AGBL4: variants seen among roughly 807,000 people sequenced by gnomAD.
The protein encoded by AGBL4 is cytosolic carboxypeptidase 6.
A neutral mutation model predicts 66.4 loss-of-function variants in AGBL4; 58 were observed. That is an observed-to-expected ratio of 0.87 (90% CI 0.71 to 1.09). The LOEUF (loss-of-function observed/expected upper bound fraction) is 1.09. Among genes scored for constraint, AGBL4 ranks in the 50% least tolerant of loss-of-function variants. AGBL4 has a pLI of 0.00. For missense variants in AGBL4, 579 were observed against 631.0 expected, an observed-to-expected ratio of 0.92 and a Z score of 0.88; for synonymous variants, 234 against 222.9, an observed-to-expected ratio of 1.05 and a Z score of -0.44.
At chr1:48,529,234 G>A (rs143648434), downstream of AGBL4, among the ~76,000 whole-genome samples, 1 of 151,922 alleles carries the variant, frequency 6.6e-6, no homozygotes, top group Non-Finnish European at 1.5e-5. Flanking sequence ...TACTCAAGAA[G>A]CATTTGTACT....
At chr1:49,936,498 T>C (rs1036540865) in intron 1 of AGBL4, among the ~76,000 whole-genome samples, 2 of 152,042 alleles carry the variant, frequency 1.3e-5, no homozygotes, top group African/African-American at 4.8e-5. Context: ...GCCACAAAGA[T>C]ACTCCTCGAG....
chr1:49,686,706 T>G (rs998564485), intron 3 of AGBL4, among the ~76,000 whole-genome samples: 3 of 152,142 alleles, frequency 2.0e-5, no homozygotes, highest in African/African-American at 4.8e-5. Context: ...GCACACACAA[T>G]AAGTATTTAT....
At chr1:49,549,272 T>C (rs1018111144) in intron 3 of AGBL4, among the ~76,000 whole-genome samples, 7 of 151,906 alleles carry the variant, frequency 4.6e-5, no homozygotes, top group Non-Finnish European at 8.8e-5. Flanking sequence ...TTTTTTTCAA[T>C]TTCATTTAGT....
chr1:49,625,885 A>T (rs796721384), intron 3 of AGBL4, among the ~76,000 whole-genome samples: 1 of 152,282 alleles, frequency 6.6e-6, no homozygotes, highest in African/African-American at 2.4e-5. Flanking sequence ...AGAGGTATTT[A>T]TAAGAAACAG....
chr1:49,464,995 A>G (rs1031768443), intron 3 of AGBL4, among the ~76,000 whole-genome samples: 9 of 151,680 alleles, frequency 5.9e-5, no homozygotes, highest in African/African-American at 2.2e-4. Flanking sequence ...AAACAAATGA[A>G]TGAATAACAA....
At chr1:49,501,384 G>A (rs192698095) in intron 3 of AGBL4, among the ~76,000 whole-genome samples, 64 of 152,208 alleles carry the variant, frequency 4.2e-4, no homozygotes, top group Admixed American at 1.6e-3. Flanking sequence ...TCCACACGCT[G>A]TTCTGTCCAT....
intron 5 of AGBL4, among the ~76,000 whole-genome samples, chr1:48,984,632 C>G (rs1033809604): frequency 2.0e-5 from 3 of 150,632 alleles, no homozygotes; most frequent in Admixed American, 1.3e-4. Context: ...ACTGTTTAAC[C>G]TAATATTTTC....
chr1:49,289,124 A>C (rs939359449), intron 3 of AGBL4, among the ~76,000 whole-genome samples: 1 of 152,194 alleles, frequency 6.6e-6, no homozygotes, highest in Non-Finnish European at 1.5e-5. Flanking sequence ...ATTATAATGA[A>C]TATTTTTGGC....
At chr1:49,113,834 A>AT (rs560578429) in intron 4 of AGBL4, among the ~76,000 whole-genome samples, 57 of 150,858 alleles carry the variant, frequency 3.8e-4, no homozygotes, top group African/African-American at 7.8e-4. Flanking sequence ...TTTTTGAAGA[A>AT]TTTTTTTTTT....
At chr1:49,207,152 C>A (rs61783580) in intron 4 of AGBL4, among the ~76,000 whole-genome samples, 2,598 of 152,144 alleles carry the variant, frequency 0.017, 34 homozygotes, top group Non-Finnish European at 0.027. Flanking sequence ...AGGCTCTGGG[C>A]AGGAGCGAAC....
intron 3 of AGBL4, among the ~76,000 whole-genome samples, chr1:49,384,523 G>T (rs1570585062): frequency 6.6e-6 from 1 of 152,016 alleles, no homozygotes; most frequent in Non-Finnish European, 1.5e-5. Flanking sequence ...AACCTGGGAG[G>T]CGGAGGTTGC....
chr1:49,474,365 T>G (rs548787031), intron 3 of AGBL4, among the ~76,000 whole-genome samples: 1 of 152,108 alleles, frequency 6.6e-6, no homozygotes, highest in Non-Finnish European at 1.5e-5. Flanking sequence ...TATGTATTAG[T>G]GGGTACTTTT....
At chr1:49,108,302 C>T (rs1009186225) in intron 4 of AGBL4, among the ~76,000 whole-genome samples, 64 of 152,188 alleles carry the variant, frequency 4.2e-4, no homozygotes, top group African/African-American at 1.4e-3. Flanking sequence ...ACCTGGGATA[C>T]ACCAGCGAAT....
At chr1:49,908,245 T>C (rs376454897) in intron 1 of AGBL4, among the ~76,000 whole-genome samples, 1 of 151,932 alleles carries the variant, frequency 6.6e-6, no homozygotes, top group South Asian at 2.1e-4. Flanking sequence ...TGATACAGTT[T>C]GGATGTTGTC....
chr1:49,544,398 G>C (rs1652314046), intron 3 of AGBL4, among the ~76,000 whole-genome samples: 1 of 152,114 alleles, frequency 6.6e-6, no homozygotes, highest in African/African-American at 2.4e-5. Flanking sequence ...CCATTAGCAT[G>C]GTAAAGCCAG....
chr1:49,653,292 A>G (rs1646047551), intron 3 of AGBL4, among the ~76,000 whole-genome samples: 1 of 152,090 alleles, frequency 6.6e-6, no homozygotes, highest in African/African-American at 2.4e-5. Context: ...TAAATGAAAA[A>G]CACCCCACAA....
chr1:50,013,108 T>C (rs1185444285), intron 1 of AGBL4, among the ~76,000 whole-genome samples: 1 of 152,206 alleles, frequency 6.6e-6, no homozygotes, highest in Non-Finnish European at 1.5e-5. Flanking sequence ...AAAGATACAC[T>C]GATCTAGTCA....
chr1:49,664,226 T>C (rs1646321353), intron 3 of AGBL4, among the ~76,000 whole-genome samples: 1 of 152,080 alleles, frequency 6.6e-6, no homozygotes, highest in Admixed American at 6.6e-5. Context: ...ATTAAAGTTT[T>C]ATATTTCTCC....
intron 3 of AGBL4, among the ~76,000 whole-genome samples, chr1:49,483,713 C>T (rs1461023477): frequency 1.3e-5 from 2 of 151,620 alleles, no homozygotes; most frequent in African/African-American, 4.8e-5. Context: ...TAACGCTCCG[C>T]AAGCACAGGC....
Sources: gnomAD v4.1 joint callset for allele counts (sites outside exome capture counted in the v4.1 genomes callset) on GRCh38, gnomAD v4.1.1 for gene constraint, MANE v1.5 for transcripts, NCBI Gene and HGNC (gene_info 2026-07-23, HGNC 2026-07-21) for gene names.